Variants in PLCXD3 observed in about 807,000 individuals in gnomAD.
PLCXD3 encodes the protein PI-PLC X domain-containing protein 3.
In PLCXD3, 19 loss-of-function variants were observed where a neutral mutation model predicts 25.5. The ratio of observed to expected loss-of-function variants is 0.75; its 90% CI spans 0.52 to 1.09. PLCXD3 has a LOEUF of 1.09. PLCXD3 is among the 50% of genes least tolerant of loss of function. The pLI is 0.00. For synonymous variants in PLCXD3, 174 were observed against 137.6 expected, an observed-to-expected ratio of 1.26 and a Z score of -1.85; for missense variants, 411 against 388.1, an observed-to-expected ratio of 1.06 and a Z score of -0.50.
Position 41,510,370 on chromosome 5 carries a change from C to T in PLCXD3, c.103+54G>A, listed in dbSNP as rs1739023412. 6 of 1,453,496 alleles carry T rather than the reference C, an allele frequency of 4.1e-6. No homozygotes were observed. The South Asian group carries it at 4.8e-5, about 12-fold the overall frequency. 90.0% of individuals were successfully genotyped at this position (1,453,496 alleles called of 1,614,324 possible). Reference sequence around the variant, plus strand: ...CCACTTAGTGGCAGATAAAGCAGGGCGGGGCAGGTGGAGCGGGCGCCGAGC... The same window carrying T: ...CCACTTAGTGGCAGATAAAGCAGGGTGGGGCAGGTGGAGCGGGCGCCGAGC... On this transcript the variant is annotated intron_variant, in intron 1 of 2. Coordinates refer to ENST00000377801, the MANE Select transcript of PLCXD3 (RefSeq NM_001005473.3).
intron 2 of PLCXD3, among the ~76,000 whole-genome samples, chr5:41,323,722 T>C (rs1243763331): frequency 2.6e-5 from 4 of 152,040 alleles, no homozygotes; most frequent in Non-Finnish European, 4.4e-5. Context: ...CAGCAGTGTA[T>C]ATATATATGA....
At chr5:41,439,900 T>C (rs1305062051) in intron 1 of PLCXD3, among the ~76,000 whole-genome samples, 1 of 152,214 alleles carries the variant, frequency 6.6e-6, no homozygotes, top group Non-Finnish European at 1.5e-5. Context: ...ATGTATTTTC[T>C]CAGGCTAATT....
chr5:41,338,561 C>A (rs1272727935), intron 2 of PLCXD3, among the ~76,000 whole-genome samples: 1 of 151,994 alleles, frequency 6.6e-6, no homozygotes, highest in East Asian at 1.9e-4. Context: ...ACTTGAGCAT[C>A]CTTTTCCAGG....
chr5:41,403,411 T>TTG (rs1580353923), intron 1 of PLCXD3, among the ~76,000 whole-genome samples: 4 of 38,344 alleles, frequency 1.0e-4, no homozygotes, highest in East Asian at 5.8e-4. Flanking sequence ...GTTTTTTTTT[T>TTG]TTTTTATTAT....
chr5:41,348,316 T>C (rs1161313916), intron 2 of PLCXD3, among the ~76,000 whole-genome samples: 2 of 152,186 alleles, frequency 1.3e-5, no homozygotes, highest in Admixed American at 1.3e-4. Flanking sequence ...GGTAGGAGGA[T>C]GAAAAGAAGT....
In PLCXD3 at chr5:41,311,791, A is replaced by G. The variant is rs923533500; in HGVS notation, c.*1826T>C. 2.0e-5 allele frequency: 3 copies of G among 152,320 alleles called. No individual in the cohort carries two copies. The highest frequency in any genetic ancestry group is 4.4e-5 in the Non-Finnish European group (3 of 67,984). The allele number at this position is 152,320 out of a possible 1,614,324, so 9.4% of individuals were successfully genotyped here. On this transcript the variant is annotated 3_prime_UTR_variant, in exon 3 of 3. Coordinates refer to ENST00000377801, the MANE Select transcript of PLCXD3 (RefSeq NM_001005473.3). The stretch of plus-strand genomic sequence containing the variant: ...ATGAGTATTTATAATCTTGAAATCA[A>G]CTCTTGATTATTTGTGGTCTTGACA...
intron 2 of PLCXD3, among the ~76,000 whole-genome samples, chr5:41,314,990 T>C (rs763524396): frequency 6.6e-6 from 1 of 152,104 alleles, no homozygotes; most frequent in Non-Finnish European, 1.5e-5. Context: ...TTAGGAAGAT[T>C]TAGCTGGATA....
intron 2 of PLCXD3, among the ~76,000 whole-genome samples, chr5:41,316,439 G>A (rs940462889): frequency 2.0e-5 from 3 of 151,956 alleles, no homozygotes; most frequent in African/African-American, 7.3e-5. Flanking sequence ...TAGCTATGGT[G>A]GCTGTGGGAC....
Position 41,372,029 on chromosome 5 carries a change from G to A in PLCXD3, c.812+9797C>T, listed in dbSNP as rs1216099939. Among the ~76,000 whole-genome samples, 7 of 152,158 alleles carry A rather than the reference G, an allele frequency of 4.6e-5. No homozygotes were observed. In the South Asian group the frequency reaches 1.2e-3, roughly 27 times the overall value. On this transcript the variant is annotated intron_variant, in intron 2 of 2. Transcript: ENST00000377801. ...CAAATTATTGTGTCACTACTTGACTGAGTAAATATCCCTGCTGCCTAGATA... is the reference window on the plus strand; with the variant it reads ...CAAATTATTGTGTCACTACTTGACTAAGTAAATATCCCTGCTGCCTAGATA...
chr5:41,418,916 T>A (rs1746753771), intron 1 of PLCXD3, among the ~76,000 whole-genome samples: 1 of 152,158 alleles, frequency 6.6e-6, no homozygotes, highest in African/African-American at 2.4e-5. Context: ...AAAGGCACCT[T>A]GTAAATGGAA....
intron 1 of PLCXD3, among the ~76,000 whole-genome samples, chr5:41,454,906 C>T (rs1205755076): frequency 6.6e-6 from 1 of 151,846 alleles, no homozygotes; most frequent in Non-Finnish European, 1.5e-5. Context: ...GCTGGAGTGG[C>T]CTTAGGAAAC....
chr5:41,412,507 T>G (rs577106593), intron 1 of PLCXD3, among the ~76,000 whole-genome samples: 1 of 152,194 alleles, frequency 6.6e-6, no homozygotes, highest in Non-Finnish European at 1.5e-5. Context: ...CAGAGTTGTG[T>G]ACCTAACTTA....
At chr5:41,499,474 G>A (rs1016421738) in intron 1 of PLCXD3, among the ~76,000 whole-genome samples, 6 of 151,556 alleles carry the variant, frequency 4.0e-5, no homozygotes, top group Admixed American at 2.6e-4. Flanking sequence ...ATTGCAAAAC[G>A]TTGCAGAAAG....
intron 1 of PLCXD3, among the ~76,000 whole-genome samples, chr5:41,401,544 C>T (rs1746186373): frequency 6.6e-6 from 1 of 151,910 alleles, no homozygotes; most frequent in Non-Finnish European, 1.5e-5. Context: ...AATTAGTTTC[C>T]CGATTTCTCT....
intron 2 of PLCXD3, among the ~76,000 whole-genome samples, chr5:41,371,830 C>A (rs572375485): frequency 6.6e-6 from 1 of 152,276 alleles, no homozygotes; most frequent in African/African-American, 2.4e-5. Flanking sequence ...GAAGATCTGG[C>A]CTGCAGGCCT....
At chr5:41,336,861 A>G (rs1278485296) in intron 2 of PLCXD3, among the ~76,000 whole-genome samples, 1 of 152,074 alleles carries the variant, frequency 6.6e-6, no homozygotes, top group Non-Finnish European at 1.5e-5. Flanking sequence ...GTACTCTCCC[A>G]TAGGTGTTGA....
chr5:41,344,428 A>T (rs949098058), intron 2 of PLCXD3, among the ~76,000 whole-genome samples: 1 of 152,112 alleles, frequency 6.6e-6, no homozygotes, highest in Non-Finnish European at 1.5e-5. Flanking sequence ...CAAATGATCA[A>T]CTCGTCAATT....
intron 1 of PLCXD3, among the ~76,000 whole-genome samples, chr5:41,391,781 C>G (rs1172208707): frequency 1.3e-5 from 2 of 152,142 alleles, no homozygotes; most frequent in Non-Finnish European, 2.9e-5. Context: ...GACTCTTGAA[C>G]AGCATTTATG....
At chr5:41,393,489 A>G (rs540843362) in intron 1 of PLCXD3, among the ~76,000 whole-genome samples, 3 of 152,360 alleles carry the variant, frequency 2.0e-5, no homozygotes, top group East Asian at 3.9e-4. Context: ...AACATGAAGC[A>G]GAAATGGAGA....
Sources: allele counts gnomAD v4.1 joint callset (sites outside exome capture counted in the v4.1 genomes callset), GRCh38; gene constraint gnomAD v4.1.1; transcripts MANE v1.5; gene names NCBI Gene and HGNC (gene_info 2026-07-23, HGNC 2026-07-21).